Variants in UBXN2A observed in about 807,000 individuals in gnomAD.
UBXN2A encodes UBX domain protein 2A.
UBXN2A carries 28 observed loss-of-function variants against 28.4 expected under a neutral mutation model. The observed-to-expected ratio is 0.99, with a 90% confidence interval of 0.73 to 1.35. The LOEUF (loss-of-function observed/expected upper bound fraction) is 1.35, where lower values mean the gene tolerates loss of function less well. Ranked by LOEUF, UBXN2A falls within the 40% of genes most tolerant of loss-of-function variation. The pLI is 0.00. For missense variants in UBXN2A, 253 were observed against 297.9 expected, an observed-to-expected ratio of 0.85 and a Z score of 1.11; for synonymous variants, 97 against 103.6, an observed-to-expected ratio of 0.94 and a Z score of 0.39.
At chr2:23,940,215 G>A (rs1017004820), upstream of UBXN2A, among the ~76,000 whole-genome samples, 1 of 151,994 alleles carries the variant, frequency 6.6e-6, no homozygotes, top group African/African-American at 2.4e-5. Context: ...TCTCTCCATG[G>A]TTTCTGAGGC....
upstream of UBXN2A, among the ~76,000 whole-genome samples, chr2:23,937,642 C>A (rs553987395): frequency 1.3e-5 from 2 of 152,260 alleles, no homozygotes; most frequent in African/African-American, 4.8e-5. Flanking sequence ...AAATCAACTC[C>A]TTTTACAATA....
chr2:23,999,586 CA>C (rs1708663030), intron 6 of UBXN2A, 85 bp from the exon 7 acceptor site: 2 of 1,383,154 alleles, frequency 1.4e-6, no homozygotes, highest in South Asian at 2.6e-5. Context: ...ATAACATATC[CA>C]GATACTTTTA....
intron 1 of UBXN2A, among the ~76,000 whole-genome samples, chr2:23,955,282 T>C (rs958667909): frequency 1.3e-5 from 2 of 152,180 alleles, no homozygotes; most frequent in Non-Finnish European, 2.9e-5. Flanking sequence ...ATTCCCTTGG[T>C]TGCTGTAACC....
intron 6 of UBXN2A, among the ~76,000 whole-genome samples, chr2:23,996,445 CTCTTTT>C (rs969454124): frequency 5.3e-5 from 8 of 150,314 alleles, no homozygotes; most frequent in African/African-American, 1.7e-4. Context: ...ATTATGCCTT[CTCTTTT>C]TCTGTTTTCT....
At chr2:23,991,149 A>G (rs1708337474) in intron 6 of UBXN2A, among the ~76,000 whole-genome samples, 1 of 152,142 alleles carries the variant, frequency 6.6e-6, no homozygotes, top group Non-Finnish European at 1.5e-5. Flanking sequence ...TTTATTAGTT[A>G]CCAAGAAAGT....
At position 23,958,305 on chromosome 2, in the gene UBXN2A, G is replaced by A. The variant is rs113328530; in HGVS notation, c.-10G>A. Reference sequence around the variant, plus strand: ...ACTTTCTTTGTACTTTTACAGTAAGGCGAAAGAGAATGAAAGACGTAGATA... The same window carrying A: ...ACTTTCTTTGTACTTTTACAGTAAGACGAAAGAGAATGAAAGACGTAGATA... On this transcript the variant is annotated 5_prime_UTR_variant, in exon 2 of 7. Transcript: ENST00000309033. 2.5e-5 allele frequency: 40 copies of A among 1,596,690 alleles called. No homozygotes were observed. The African/African-American group carries it at 3.4e-4, about 13-fold the overall frequency.
At chr2:23,967,714 G>A (rs1202198853) in intron 2 of UBXN2A, among the ~76,000 whole-genome samples, 2 of 152,150 alleles carry the variant, frequency 1.3e-5, no homozygotes, top group Non-Finnish European at 2.9e-5. Context: ...AAAGGAAGGG[G>A]AAAATCACTA....
intron 4 of UBXN2A, among the ~76,000 whole-genome samples, chr2:23,982,594 A>C (rs1363216713): frequency 6.6e-6 from 1 of 152,092 alleles, no homozygotes; most frequent in Admixed American, 6.6e-5. Context: ...CCAGGAGTTC[A>C]AGACCAGCCT....
At chr2:23,939,683 T>C (rs1485488585), upstream of UBXN2A, 1 of 152,432 alleles carries the variant, frequency 6.6e-6, no homozygotes, top group Non-Finnish European at 1.5e-5. Context: ...GCAGGTCAGC[T>C]AACTATTTGC....
chr2:23,949,594 G>C (rs1448528297), intron 1 of UBXN2A, among the ~76,000 whole-genome samples: 1 of 151,332 alleles, frequency 6.6e-6, no homozygotes, highest in African/African-American at 2.4e-5. Flanking sequence ...TTTATTTATA[G>C]CCGGGCGTGG....
chr2:24,000,049 A>G lies in UBXN2A; in HGVS notation c.*182A>G. On this transcript the variant is annotated 3_prime_UTR_variant, in exon 7 of 7. Transcript: ENST00000309033. ...TTAAGAAAGTAGCATATGACTGGAA[A>G]CTATATTCAGTGCACTTTCTCCAAA... The G allele has an allele frequency of 1.7e-6, 1 of 584,390 alleles. No homozygotes were observed. The highest frequency in any genetic ancestry group is 2.9e-5 in the East Asian group (1 of 34,938). 36.2% of individuals were successfully genotyped at this position (584,390 alleles called of 1,614,324 possible). A position where few individuals can be genotyped will look rare whatever the true frequency, so the allele number is the denominator to read the frequency against.
chr2:23,945,829 T>A (rs1706048747), intron 1 of UBXN2A, among the ~76,000 whole-genome samples: 1 of 151,224 alleles, frequency 6.6e-6, no homozygotes, highest in African/African-American at 2.4e-5. Context: ...TTTTTTCTTC[T>A]CTTTTTTTTT....
At chr2:23,979,257 A>C (rs1231215518) in intron 4 of UBXN2A, among the ~76,000 whole-genome samples, 1 of 151,932 alleles carries the variant, frequency 6.6e-6, no homozygotes, top group Admixed American at 6.6e-5. Flanking sequence ...GGCAGGGAGA[A>C]TTGCTTGAAC....
intron 6 of UBXN2A, among the ~76,000 whole-genome samples, chr2:23,986,048 C>T (rs527351008): frequency 1.3e-5 from 2 of 152,148 alleles, no homozygotes; most frequent in South Asian, 4.2e-4. Context: ...GTGGCTCACA[C>T]CTGTAATCCC....
At chr2:23,969,174 A>C (rs1281840183) in intron 2 of UBXN2A, 1 of 151,892 alleles carries the variant, frequency 6.6e-6, no homozygotes, top group Non-Finnish European at 1.5e-5. Context: ...TACAGGCATG[A>C]GCTACCTCAC....
chr2:23,983,980 G>A (rs1708023389), intron 5 of UBXN2A, among the ~76,000 whole-genome samples: 1 of 152,102 alleles, frequency 6.6e-6, no homozygotes, highest in African/African-American at 2.4e-5. Flanking sequence ...CCAGCCTATT[G>A]TTCTCTTTTA....
intron 1 of UBXN2A, among the ~76,000 whole-genome samples, chr2:23,935,358 T>C (rs771642920): frequency 6.6e-6 from 1 of 152,146 alleles, no homozygotes; most frequent in African/African-American, 2.4e-5. Flanking sequence ...AATATGTATT[T>C]TTTAAAACGC....
At chr2:23,940,022 A>G (rs935116483), upstream of UBXN2A, among the ~76,000 whole-genome samples, 59 of 151,574 alleles carry the variant, frequency 3.9e-4, no homozygotes, top group African/African-American at 1.4e-3. Flanking sequence ...AGGCAGGAGA[A>G]TCGCTCGAAT....
At chr2:23,987,204 C>T (rs1429980844) in intron 6 of UBXN2A, among the ~76,000 whole-genome samples, 2 of 148,316 alleles carry the variant, frequency 1.3e-5, no homozygotes, top group African/African-American at 4.9e-5. Flanking sequence ...AAATGTGGTA[C>T]AGATAAATAA....
Sources: allele counts gnomAD v4.1 joint callset (sites outside exome capture counted in the v4.1 genomes callset), GRCh38; gene constraint gnomAD v4.1.1; transcripts MANE v1.5; gene names NCBI Gene and HGNC (gene_info 2026-07-23, HGNC 2026-07-21).